ZC3H11A: variants seen among roughly 807,000 people sequenced by gnomAD.
ZC3H11A encodes the protein zinc finger CCCH domain-containing protein 11A.
ZC3H11A carries 22 observed loss-of-function variants against 90.8 expected under a neutral mutation model. The observed-to-expected ratio is 0.24, with a 90% CI of 0.17 to 0.35. The LOEUF (loss-of-function observed/expected upper bound fraction) is 0.35. Among genes scored for constraint, ZC3H11A ranks in the 10% least tolerant of loss-of-function variants. The probability of loss-of-function intolerance (pLI) is 1.00; values close to 1 mark genes in which losing one functional copy is unlikely to be tolerated. For missense variants in ZC3H11A, 701 were observed against 964.9 expected (o/e 0.73, Z 3.62); for synonymous variants, 294 against 339.8 (o/e 0.87, Z 1.48).
At chr1:203,831,893 A>T in intron 9 of ZC3H11A, 122 bp downstream of exon 9, 1 of 737,950 alleles carries the variant, frequency 1.4e-6, no homozygotes, top group Non-Finnish European at 2.2e-6. Flanking sequence ...TGCTGATGAG[A>T]TAATCTAAAG....
rs756007804 is a variant in ZC3H11A, at chr1:203,852,267, C to T, written c.2301C>T (p.Leu767=). The T allele has an allele frequency of 6.2e-6, 10 of 1,613,580 alleles. No individual in the cohort carries two copies. Among genetic ancestry groups the T allele is most frequent in the Middle Eastern group, 1.6e-4 (1 of 6,078 alleles). ...CTGCCTCAACAGGAAAGCCCCCACT[C>T]TCTGTGGAGGATGATTTTGAGAAAC... ...LSSASTGKPP[L]SVEDDFEKLI... The change falls in exon 18 of 18, where the codon CTC becomes CTT. Residue 767 remains leucine (L), a synonymous_variant. Coordinates refer to ENST00000367210, the MANE Select transcript of ZC3H11A (RefSeq NM_001376342.1).
At chr1:203,806,112 T>C (rs1014328403) in intron 2 of ZC3H11A, 6 of 499,246 alleles carry the variant, frequency 1.2e-5, no homozygotes, top group Non-Finnish European at 2.4e-5. Flanking sequence ...TAGGACCCCC[T>C]CTCATCTTGA....
At chr1:203,833,444 T>C (rs1249715664) in intron 9 of ZC3H11A, among the ~76,000 whole-genome samples, 1 of 150,744 alleles carries the variant, frequency 6.6e-6, no homozygotes, top group Non-Finnish European at 1.5e-5. Context: ...GACAGGAGAA[T>C]TGCTTGAACC....
At chr1:203,804,266 C>T (rs1307797696) in intron 2 of ZC3H11A, among the ~76,000 whole-genome samples, 2 of 151,884 alleles carry the variant, frequency 1.3e-5, no homozygotes, top group Middle Eastern at 3.4e-3. Flanking sequence ...ATTCTCCTGC[C>T]TCAGCCTCCC....
intron 2 of ZC3H11A, among the ~76,000 whole-genome samples, chr1:203,810,992 T>A (rs1056899945): frequency 4.7e-5 from 7 of 149,826 alleles, no homozygotes; most frequent in African/African-American, 1.5e-4. Flanking sequence ...AAAAAAAAAA[T>A]TAGCAGGGTA....
At chr1:203,799,704 G>C (rs1669926930) in intron 1 of ZC3H11A, 1 of 719,700 alleles carries the variant, frequency 1.4e-6, no homozygotes, top group East Asian at 2.7e-5. Flanking sequence ...GAAACTCAGA[G>C]AAGATTTTCA....
At chr1:203,833,183 C>A (rs552300633) in intron 9 of ZC3H11A, among the ~76,000 whole-genome samples, 1 of 152,118 alleles carries the variant, frequency 6.6e-6, no homozygotes, top group African/African-American at 2.4e-5. Context: ...GCCCGACCAA[C>A]GCGGTGAAAC....
At chr1:203,800,323 A>G (rs775547940) in intron 1 of ZC3H11A, 3 of 883,736 alleles carry the variant, frequency 3.4e-6, no homozygotes, top group Non-Finnish European at 5.4e-6. Context: ...ATGAGCCTGG[A>G]CTTTGACAAT....
intron 17 of ZC3H11A, 128 bp downstream of exon 17, chr1:203,851,252 A>C: frequency 2.4e-6 from 2 of 830,252 alleles, no homozygotes; most frequent in Non-Finnish European, 1.9e-6. Flanking sequence ...AATTAATTGC[A>C]AGAAAGTATG....
At position 203,798,645 on chromosome 1, in the gene ZC3H11A, G is replaced by T. The variant is rs763814434; in HGVS notation, c.-1588+2851G>T. On this transcript the variant is annotated intron_variant, in intron 1 of 17. Coordinates refer to ENST00000367210, the MANE Select transcript of ZC3H11A (RefSeq NM_001376342.1). ...TGATTCAGATGAACCTATGTTAGAG[G>T]TTGAAAACAGATCTGAAAGTCCTAT... 3.3e-6 allele frequency: 5 copies of T among 1,536,044 alleles called. No homozygotes were observed. The South Asian group carries it at 4.8e-5, about 15-fold the overall frequency.
intron 15 of ZC3H11A, 32 bp from the exon 16 acceptor site, chr1:203,850,481 TCA>T (rs752925297): frequency 1.2e-6 from 2 of 1,613,116 alleles, no homozygotes; most frequent in Admixed American, 3.3e-5. Flanking sequence ...GAGTCTATTC[TCA>T]CTGCTTATCA....
Position 203,831,681 on chromosome 1 carries a change from A to G in ZC3H11A, c.721A>G (p.Ser241Gly), listed in dbSNP as rs375511866. The part of the protein sequence containing the change: ...KQGEGSSGVS[S>G]LLLHPEPVPG... ...TTCAGAGGGTTCTTCAGGAGTTTCC[A>G]GTCTTTTACTCCACCCTGAGCCCGT... Residue 241 changes from serine (S) to glycine (G), a missense_variant, in exon 9 of 18, where the codon AGT becomes GGT. Coordinates refer to ENST00000367210, the MANE Select transcript of ZC3H11A (RefSeq NM_001376342.1). 4 of 1,612,600 alleles carry G rather than the reference A, an allele frequency of 2.5e-6. No homozygotes were observed. Among genetic ancestry groups the G allele is most frequent in the Admixed American group, 1.7e-5 (1 of 59,852 alleles).
intron 2 of ZC3H11A, among the ~76,000 whole-genome samples, chr1:203,804,405 G>C (rs1671546279): frequency 6.6e-6 from 1 of 151,770 alleles, no homozygotes; most frequent in African/African-American, 2.4e-5. Flanking sequence ...GCCCGCCTCG[G>C]CCTCCCAAAG....
At chr1:203,833,204 C>T (rs12756017) in intron 9 of ZC3H11A, among the ~76,000 whole-genome samples, 15,736 of 152,006 alleles carry the variant, frequency 0.1, 1,102 homozygotes, top group Non-Finnish European at 0.15. Context: ...CTTGTCTCTA[C>T]TAAAAATACA....
At chr1:203,810,854 G>A (rs941851824) in intron 2 of ZC3H11A, among the ~76,000 whole-genome samples, 1 of 151,970 alleles carries the variant, frequency 6.6e-6, no homozygotes, top group Admixed American at 6.6e-5. Context: ...AATTAGTTGT[G>A]GGCCAGACGC....
chr1:203,835,210 T>C (rs1047216793), intron 10 of ZC3H11A, among the ~76,000 whole-genome samples: 10 of 152,208 alleles, frequency 6.6e-5, no homozygotes, highest in African/African-American at 2.4e-4. Flanking sequence ...ATGAATGAAA[T>C]TAATATTTGC....
intron 1 of ZC3H11A, chr1:203,799,891 C>G (rs1669996594): frequency 1.3e-6 from 2 of 1,535,926 alleles, no homozygotes; most frequent in Non-Finnish European, 1.7e-6. Flanking sequence ...GATTTAGAAA[C>G]TTATAAGCAG....
In ZC3H11A at chr1:203,798,940, A is replaced by G. The variant is rs1415866214; in HGVS notation, c.-1587-2635A>G. 6.5e-7 allele frequency: 1 copy of G among 1,536,180 alleles called. No individual in the cohort carries two copies. Among genetic ancestry groups the G allele is most frequent in the African/African-American group, 1.4e-5 (1 of 73,184 alleles). On this transcript the variant is annotated intron_variant, in intron 1 of 17. Coordinates refer to ENST00000367210, the MANE Select transcript of ZC3H11A (RefSeq NM_001376342.1). ...AGAGAAAAAATTTTCTTAACTTTAG[A>G]GAATGTTCAAAGCCAAAAGATACAC...
intron 2 of ZC3H11A, among the ~76,000 whole-genome samples, chr1:203,814,209 G>A (rs1675470063): frequency 6.6e-6 from 1 of 152,068 alleles, no homozygotes; most frequent in African/African-American, 2.4e-5. Context: ...CCAATTCTAA[G>A]TTCTCTGCCA....
Sources: gnomAD v4.1 joint callset for allele counts (sites outside exome capture counted in the v4.1 genomes callset) on GRCh38, gnomAD v4.1.1 for gene constraint, MANE v1.5 for transcripts, NCBI Gene and HGNC (gene_info 2026-07-23, HGNC 2026-07-21) for gene names.